The following CNTN4 variants were observed in gnomAD, a reference collection of about 807,000 sequenced individuals.
The protein encoded by CNTN4 is contactin-4.
Under a neutral mutation model 122.5 loss-of-function variants are expected in CNTN4, and 77 were observed. That is an observed-to-expected ratio of 0.63 (90% confidence interval 0.52 to 0.76). The LOEUF is 0.76. Ranked by LOEUF, CNTN4 falls within the 30% of genes least tolerant of loss-of-function variation. The probability of loss-of-function intolerance (pLI) is 0.00; values close to 1 mark genes in which losing one functional copy is unlikely to be tolerated. For missense variants in CNTN4, 1,256 were observed against 1,259.1 expected, an observed-to-expected ratio of 1.00 and a Z score of 0.04; for synonymous variants, 512 against 447.0, an observed-to-expected ratio of 1.15 and a Z score of -1.83.
intron 12 of CNTN4, among the ~76,000 whole-genome samples, chr3:2,919,343 C>T (rs1368974420): frequency 4.9e-5 from 6 of 122,676 alleles, no homozygotes; most frequent in Non-Finnish European, 9.9e-5. Flanking sequence ...CAGAGCAAGA[C>T]TCTGTCTCAG....
chr3:2,944,554 C>T (rs958665031), intron 13 of CNTN4, among the ~76,000 whole-genome samples: 70 of 152,098 alleles, frequency 4.6e-4, no homozygotes, highest in Non-Finnish European at 8.4e-4. Flanking sequence ...TCCTTGAATA[C>T]TAGACTCTAT....
intron 3 of CNTN4, among the ~76,000 whole-genome samples, chr3:2,458,806 A>C (rs954124418): frequency 2.6e-5 from 4 of 152,114 alleles, no homozygotes; most frequent in African/African-American, 9.7e-5. Flanking sequence ...GTAACAGTGG[A>C]GCTCATAAAT....
chr3:2,617,376 C>T (rs1158160692), intron 4 of CNTN4, among the ~76,000 whole-genome samples: 2 of 147,658 alleles, frequency 1.4e-5, no homozygotes, highest in Non-Finnish European at 3.0e-5. Flanking sequence ...AGCCAAGAAA[C>T]ATATGAAAAA....
intron 7 of CNTN4, among the ~76,000 whole-genome samples, chr3:2,852,186 A>G (rs548941944): frequency 1.8e-4 from 28 of 152,144 alleles, no homozygotes; most frequent in Non-Finnish European, 2.9e-4. Flanking sequence ...ACAAGATTTA[A>G]TTTTCTGGCC....
Position 2,177,656 on chromosome 3 carries a change from T to TTGTGTGTGTG in CNTN4, c.-145+77045_-145+77054dup, listed in dbSNP as rs60145608. Among the ~76,000 whole-genome samples, 249 of 147,538 alleles carry TTGTGTGTGTG rather than the reference T, an allele frequency of 1.7e-3. 2 individuals carry two copies. Among genetic ancestry groups the TTGTGTGTGTG allele is most frequent in the East Asian group, 4.1e-3 (20 of 4,900 alleles). On this transcript the variant is annotated intron_variant, in intron 2 of 24. Transcript: ENST00000418658. ...AGAACCAATGGGATTGTGTGTGTGT[T>TTGTGTGTGTG]TGTGTGTGTGTGTGTGTGTGTGTGT...
intron 13 of CNTN4, among the ~76,000 whole-genome samples, chr3:2,946,308 GT>G (rs1466638267): frequency 1.3e-5 from 2 of 152,200 alleles, no homozygotes; most frequent in Admixed American, 1.3e-4. Flanking sequence ...TGAACTTTCT[GT>G]CATGCGTGGC....
chr3:2,834,967 C>T (rs944846692), intron 7 of CNTN4, among the ~76,000 whole-genome samples: 1 of 119,536 alleles, frequency 8.4e-6, no homozygotes, highest in East Asian at 2.9e-4. Flanking sequence ...TGCAGTGGGG[C>T]GATCTCGGCT....
intron 4 of CNTN4, among the ~76,000 whole-genome samples, chr3:2,662,760 A>G (rs2083961639): frequency 6.6e-6 from 1 of 152,208 alleles, no homozygotes; most frequent in African/African-American, 2.4e-5. Flanking sequence ...TACGAAAAGT[A>G]TGATATGGCA....
chr3:3,019,273 C>G (rs1021074088), intron 14 of CNTN4, among the ~76,000 whole-genome samples: 3 of 152,016 alleles, frequency 2.0e-5, no homozygotes, highest in African/African-American at 7.2e-5. Flanking sequence ...GAATACCTCC[C>G]CACAAAGTAC....
chr3:2,685,731 G>T (rs1033169854), intron 4 of CNTN4, among the ~76,000 whole-genome samples: 1 of 151,960 alleles, frequency 6.6e-6, no homozygotes, highest in Non-Finnish European at 1.5e-5. Flanking sequence ...ACACTTATCT[G>T]TTTTTCCTTG....
chr3:2,779,248 T>C (rs964287860), intron 6 of CNTN4, among the ~76,000 whole-genome samples: 1 of 133,442 alleles, frequency 7.5e-6, no homozygotes, highest in Non-Finnish European at 1.7e-5. Flanking sequence ...TTGTTTGTTT[T>C]GTTTGTTTGT....
intron 2 of CNTN4, among the ~76,000 whole-genome samples, chr3:2,226,117 C>T (rs534695845): frequency 6.6e-6 from 1 of 151,678 alleles, no homozygotes; most frequent in South Asian, 2.1e-4. Flanking sequence ...CATCAAAATA[C>T]GGCACCCACG....
intron 14 of CNTN4, among the ~76,000 whole-genome samples, chr3:3,025,409 G>C (rs1698644057): frequency 6.6e-6 from 1 of 152,036 alleles, no homozygotes; most frequent in Admixed American, 6.5e-5. Flanking sequence ...AAAACTGTAA[G>C]CTTAAAGCAG....
In CNTN4 at chr3:2,190,835, T is replaced by C. The variant is rs78582183; in HGVS notation, c.-145+90196T>C. ...ACACACACACACACACACACACACA[T>C]ACACACACACACATAAATATATATC... On this transcript the variant is annotated intron_variant, in intron 2 of 24. Coordinates refer to ENST00000418658, the MANE Select transcript of CNTN4 (RefSeq NM_175607.3). Among the ~76,000 whole-genome samples, 602 of 110,020 alleles carry C rather than the reference T, an allele frequency of 5.5e-3. 1 individual carries two copies. Among genetic ancestry groups the C allele is most frequent in the African/African-American group, 0.018 (557 of 30,360 alleles). 72.2% of individuals were successfully genotyped at this position (110,020 alleles called of 152,430 possible). A position where few individuals can be genotyped will look rare whatever the true frequency, so the allele number is the denominator to read the frequency against.
chr3:2,394,194 A>G (rs956904389), intron 3 of CNTN4, among the ~76,000 whole-genome samples: 1 of 152,094 alleles, frequency 6.6e-6, no homozygotes, highest in Admixed American at 6.6e-5. Context: ...GAGAATGAAA[A>G]AAAGGCATAA....
At chr3:2,460,727 C>T (rs945197099) in intron 3 of CNTN4, among the ~76,000 whole-genome samples, 1 of 152,158 alleles carries the variant, frequency 6.6e-6, no homozygotes, top group African/African-American at 2.4e-5. Context: ...CAACGCAAAT[C>T]TTTTCTTATA....
intron 3 of CNTN4, among the ~76,000 whole-genome samples, chr3:2,497,021 A>G (rs1249465407): frequency 2.6e-5 from 4 of 152,166 alleles, no homozygotes; most frequent in South Asian, 2.1e-4. Context: ...TGTCTGGGCT[A>G]TCAAGGACCC....
intron 4 of CNTN4, among the ~76,000 whole-genome samples, chr3:2,720,625 G>A (rs77628829): frequency 0.027 from 4,099 of 152,216 alleles, 74 homozygotes; most frequent in Non-Finnish European, 0.04. Context: ...AGTCACATGT[G>A]TCTTCCTATC....
chr3:2,547,260 ATTTATTTAT>A (rs2078285605), intron 3 of CNTN4, among the ~76,000 whole-genome samples: 2 of 150,656 alleles, frequency 1.3e-5, no homozygotes, highest in South Asian at 4.2e-4. Context: ...TTATTTATTT[ATTTATTTAT>A]TTATTTATTT....
Sources: allele counts gnomAD v4.1 joint callset (sites outside exome capture counted in the v4.1 genomes callset), GRCh38; gene constraint gnomAD v4.1.1; transcripts MANE v1.5; gene names NCBI Gene and HGNC (gene_info 2026-07-23, HGNC 2026-07-21).